The following MOSPD2 variants were observed in gnomAD, a reference collection of about 807,000 sequenced individuals.
MOSPD2 encodes motile sperm domain containing 2, also known as motile sperm domain-containing protein 2.
Under a neutral mutation model 41.7 loss-of-function variants are expected in MOSPD2, and 5 were observed. The observed-to-expected ratio is 0.12, with a 90% CI of 0.06 to 0.25. The LOEUF is 0.25. Among genes scored for constraint, MOSPD2 ranks in the 10% least tolerant of loss-of-function variants. MOSPD2 has a pLI of 1.00. For synonymous variants in MOSPD2, 115 were observed against 126.9 expected (o/e 0.91, Z 0.63); for missense variants, 282 against 375.2 (o/e 0.75, Z 2.05).
At chrX:14,906,017 T>C (rs1472756968) in intron 7 of MOSPD2, among the ~76,000 whole-genome samples, 3 of 111,933 alleles carry the variant, frequency 2.7e-5, no homozygotes, top group African/African-American at 6.5e-5. Context: ...ACTTCCCAAA[T>C]TGATCTACTG....
chrX:14,915,813 A>T, intron 12 of MOSPD2, 49 bp downstream of exon 12: 1 of 1,028,231 alleles, frequency 9.7e-7, no homozygotes. Context: ...TGGTGGGGGT[A>T]AGGGGACCTG....
At chrX:14,903,165 C>A (rs1437751810) in intron 7 of MOSPD2, among the ~76,000 whole-genome samples, 161 bp downstream of exon 7, 3 of 111,370 alleles carry the variant, frequency 2.7e-5, no homozygotes, top group African/African-American at 9.8e-5. Context: ...CCTAAGCAAA[C>A]AGGGCTAAAA....
rs573294977 is a variant in MOSPD2 at position 14,913,295 on chromosome X, A to G, written c.992+934A>G. Among the ~76,000 whole-genome samples the G allele has an allele frequency of 9.8e-5, 11 of 111,775 alleles. No homozygotes were observed. In the South Asian group the frequency reaches 4.1e-3, roughly 42 times the overall value. On this transcript the variant is annotated intron_variant, in intron 10 of 14. Coordinates refer to ENST00000380492, the MANE Select transcript of MOSPD2 (RefSeq NM_152581.4). ...GTTTTCACTGTAAACCTGTTACATC[A>G]TAGGTCCTTGCCTGTAATTGTAGAG...
intron 7 of MOSPD2, 95 bp from the exon 8 acceptor site, chrX:14,908,765 A>G (rs1449845336): frequency 1.2e-6 from 1 of 842,167 alleles, no homozygotes; most frequent in Non-Finnish European, 1.6e-6. Context: ...ATTATAGCCC[A>G]AACTGATTTC....
chrX:14,913,587 C>T (rs16979710), intron 10 of MOSPD2, among the ~76,000 whole-genome samples: 1 of 111,603 alleles, frequency 9.0e-6, no homozygotes, highest in South Asian at 3.7e-4. Context: ...AAATTTACCA[C>T]CTTATCCAAA....
intron 12 of MOSPD2, 57 bp from the exon 13 acceptor site, chrX:14,916,135 ATGCAT>A (rs1187783990): frequency 8.3e-6 from 10 of 1,198,092 alleles, no homozygotes; most frequent in Non-Finnish European, 1.1e-5. Flanking sequence ...TTTAAACCAC[ATGCAT>A]ATCCAACCGC....
Position 14,921,219 on chromosome X carries a change from T to C in MOSPD2, c.*1410T>C. 1 of 918,292 alleles carries C rather than the reference T, an allele frequency of 1.1e-6. No individual in the cohort carries two copies. Among genetic ancestry groups the C allele is most frequent in the Non-Finnish European group, 1.3e-6 (1 of 743,163 alleles). 75.7% of individuals were successfully genotyped at this position (918,292 alleles called of 1,213,427 possible). A position where few individuals can be genotyped will look rare whatever the true frequency, so the allele number is the denominator to read the frequency against. On this transcript the variant is annotated 3_prime_UTR_variant, in exon 15 of 15. Transcript: ENST00000380492. The stretch of plus-strand genomic sequence containing the variant: ...GCCATGTTTGGAGATTTTATTACTA[T>C]TCTGAAGGGTAGTGTTGTTGGTTTT...
chrX:14,915,257 T>C (rs184135681), intron 11 of MOSPD2, among the ~76,000 whole-genome samples: 1 of 112,287 alleles, frequency 8.9e-6, no homozygotes, highest in Non-Finnish European at 1.9e-5. Context: ...AACAGATGGA[T>C]TGTTTTATTT....
intron 7 of MOSPD2, among the ~76,000 whole-genome samples, chrX:14,903,756 A>G (rs901656431): frequency 1.8e-5 from 2 of 112,270 alleles, no homozygotes; most frequent in African/African-American, 6.5e-5. Context: ...ATGCAACACA[A>G]TTGACAAACC....
chrX:14,891,947 T>C (rs2092554807), intron 2 of MOSPD2, among the ~76,000 whole-genome samples: 1 of 112,058 alleles, frequency 8.9e-6, no homozygotes, highest in African/African-American at 3.2e-5. Context: ...CATATGAAAT[T>C]TCTTCATTTT....
At chrX:14,892,687 A>G (rs200419983) in intron 2 of MOSPD2, 36 bp from the exon 3 acceptor site, 80 of 1,117,997 alleles carry the variant, frequency 7.2e-5, no homozygotes, top group Non-Finnish European at 9.7e-5. Flanking sequence ...TGCAGAATTA[A>G]TCTGACTTGG....
At chrX:14,881,021 C>T (rs1375513787) in intron 2 of MOSPD2, among the ~76,000 whole-genome samples, 1 of 111,043 alleles carries the variant, frequency 9.0e-6, no homozygotes, top group Non-Finnish European at 1.9e-5. Context: ...TCCCCAAATT[C>T]ACCACTCCCC....
At chrX:14,913,878 C>T (rs188804856) in intron 10 of MOSPD2, among the ~76,000 whole-genome samples, 14 of 111,361 alleles carry the variant, frequency 1.3e-4, no homozygotes, top group African/African-American at 4.2e-4. Context: ...TTTTTTAGGT[C>T]ATAGGCATTA....
At chrX:14,875,822 C>T (rs1378744109) in intron 2 of MOSPD2, among the ~76,000 whole-genome samples, 2 of 111,584 alleles carry the variant, frequency 1.8e-5, no homozygotes, top group Admixed American at 9.5e-5. Context: ...TAAATGTCTC[C>T]GTCTTGTTTA....
intron 1 of MOSPD2, 51 bp from the exon 2 acceptor site, chrX:14,873,638 A>G: frequency 5.0e-6 from 6 of 1,200,044 alleles, no homozygotes; most frequent in South Asian, 1.8e-5. Context: ...GGTTGAGGGT[A>G]AGCGGGTTGA....
rs994213264 is a variant in MOSPD2 at position 14,887,346 on chromosome X, C to G, written c.80-5377C>G. The stretch of plus-strand genomic sequence containing the variant: ...TAGTCTTCTTTTCATAGTTAGCATT[C>G]TATCGTATGTTGATGGAAAGTCATT... On this transcript the variant is annotated intron_variant, in intron 2 of 14. Transcript: ENST00000380492. 2.7e-5 allele frequency among the ~76,000 whole-genome samples: 3 copies of G among 112,318 alleles called. No homozygotes were observed. In the South Asian group the frequency reaches 1.1e-3, roughly 41 times the overall value.
chrX:14,918,611 C>T (rs769832707), intron 13 of MOSPD2, 69 bp from the exon 14 acceptor site: 3 of 738,656 alleles, frequency 4.1e-6, no homozygotes, highest in Admixed American at 3.3e-5. Context: ...TAACTGTTTT[C>T]ATTTTATATT....
At chrX:14,916,801 T>G (rs1439874387) in intron 13 of MOSPD2, among the ~76,000 whole-genome samples, 1 of 111,901 alleles carries the variant, frequency 8.9e-6, no homozygotes, top group Non-Finnish European at 1.9e-5. Flanking sequence ...ACAAATCTAG[T>G]GAGAAAAATT....
chrX:14,916,107 T>TA, intron 12 of MOSPD2, 90 bp from the exon 13 acceptor site: 2 of 1,140,647 alleles, frequency 1.8e-6, no homozygotes, highest in South Asian at 4.0e-5. Context: ...TCCTTAATGT[T>TA]GAGTTCCAGA....
Sources: allele counts gnomAD v4.1 joint callset (sites outside exome capture counted in the v4.1 genomes callset), GRCh38; gene constraint gnomAD v4.1.1; transcripts MANE v1.5; gene names NCBI Gene and HGNC (gene_info 2026-07-23, HGNC 2026-07-21).